PCSK5: variants seen among roughly 807,000 people sequenced by gnomAD.
PCSK5 encodes proprotein convertase subtilisin/kexin type 5, also known as prohormone convertase 5.
Under a neutral mutation model 233.2 loss-of-function variants are expected in PCSK5, and 129 were observed. The ratio of observed to expected loss-of-function variants is 0.55; its 90% CI spans 0.48 to 0.64. The LOEUF (loss-of-function observed/expected upper bound fraction) is 0.64. Among genes scored for constraint, PCSK5 ranks in the 30% least tolerant of loss-of-function variants. The pLI is 0.00. For missense variants in PCSK5, 2,076 were observed against 2,430.1 expected, an observed-to-expected ratio of 0.85 and a Z score of 3.06; for synonymous variants, 825 against 879.2, an observed-to-expected ratio of 0.94 and a Z score of 1.09.
At chr9:76,205,192 T>G (rs778251619) in intron 20 of PCSK5, 1 of 518,984 alleles carries the variant, frequency 1.9e-6, no homozygotes, top group Non-Finnish European at 3.8e-6. Flanking sequence ...ATCTCACTAC[T>G]AGGTTAGCCC....
chr9:75,970,168 C>G (rs1006057486), intron 2 of PCSK5, among the ~76,000 whole-genome samples: 7 of 152,232 alleles, frequency 4.6e-5, no homozygotes, highest in Admixed American at 2.6e-4. Context: ...CCACCATGCC[C>G]GGCCACAGAA....
rs1444123725 is a variant in PCSK5, at chr9:76,310,748, G to T, written c.3781G>T (p.Ala1261Ser). Reference protein sequence around the residue: ...RSGSCENCTEACAICSGADLC... With the variant: ...RSGSCENCTESCAICSGADLC... ...TGGGAGCTGCGAGAACTGTACGGAG[G>T]CCTGTGCCATCTGCTCTGGAGCCGA... The change falls in exon 30 of 38, where the codon GCC (alanine) becomes TCC (serine). Residue 1261 changes from alanine (A) to serine (S), a missense_variant. This residue lies in a region of PCSK5 where 1,510 missense variants were observed against 1,538.1 expected (regional missense o/e 0.98). Transcript: ENST00000674117. 16 of 1,612,358 alleles carry T rather than the reference G, an allele frequency of 9.9e-6. No individual in the cohort carries two copies. Among genetic ancestry groups the T allele is most frequent in the Admixed American group, 1.7e-5 (1 of 59,986 alleles).
chr9:76,331,278 T>A (rs924155709), intron 33 of PCSK5, among the ~76,000 whole-genome samples: 6 of 152,154 alleles, frequency 3.9e-5, no homozygotes, highest in Admixed American at 2.0e-4. Flanking sequence ...GGTAAAGGAC[T>A]TTGGGGCAGT....
chr9:75,979,774 C>G (rs141920930), intron 2 of PCSK5, among the ~76,000 whole-genome samples: 244 of 152,282 alleles, frequency 1.6e-3, no homozygotes, highest in African/African-American at 5.5e-3. Context: ...TTCAAAGAGG[C>G]CTTTCTTGAC....
intron 25 of PCSK5, among the ~76,000 whole-genome samples, chr9:76,294,982 C>A (rs9410768): frequency 2.0e-5 from 3 of 151,824 alleles, no homozygotes; most frequent in Non-Finnish European, 4.4e-5. Flanking sequence ...GCAAAACCCC[C>A]TCTCTGGAAA....
At chr9:76,350,706 C>G in intron 35 of PCSK5, 122 bp from the exon 36 acceptor site, 2 of 669,064 alleles carry the variant, frequency 3.0e-6, no homozygotes, top group Non-Finnish European at 5.3e-6. Flanking sequence ...TTCGTATCCT[C>G]AATCAATTCA....
chr9:76,336,104 A>C (rs1305466461), intron 34 of PCSK5, among the ~76,000 whole-genome samples: 4 of 152,166 alleles, frequency 2.6e-5, no homozygotes, highest in African/African-American at 9.7e-5. Context: ...TGTCTCTTAG[A>C]TACCTCAGTC....
chr9:76,281,423 C>A (rs1319103004), intron 24 of PCSK5, among the ~76,000 whole-genome samples: 1 of 152,164 alleles, frequency 6.6e-6, no homozygotes, highest in Non-Finnish European at 1.5e-5. Context: ...ATAAATGAAA[C>A]AAGGCCGGGT....
At chr9:76,205,088 CA>C in intron 20 of PCSK5, 1 of 518,614 alleles carries the variant, frequency 1.9e-6, no homozygotes, top group South Asian at 1.4e-5. Context: ...ACACTCTCAC[CA>C]TATCTGTCAT....
chr9:76,063,319 CTTTTTTTTTT>C (rs1157596601), intron 5 of PCSK5, among the ~76,000 whole-genome samples: 12 of 59,710 alleles, frequency 2.0e-4, no homozygotes, highest in African/African-American at 3.9e-4. Flanking sequence ...TTTCTTTTTT[CTTTTTTTTTT>C]TTTTTTTTTT....
chr9:75,986,760 A>G (rs994081181), intron 3 of PCSK5, among the ~76,000 whole-genome samples: 5 of 152,188 alleles, frequency 3.3e-5, no homozygotes, highest in East Asian at 1.9e-4. Flanking sequence ...GAAATCATGG[A>G]AAGTGTTCGA....
chr9:75,929,888 A>T (rs1317199720), intron 1 of PCSK5, among the ~76,000 whole-genome samples: 1 of 146,774 alleles, frequency 6.8e-6, no homozygotes, highest in African/African-American at 2.5e-5. Flanking sequence ...TTTAAGACAG[A>T]GTCTCACTCT....
intron 7 of PCSK5, 103 bp downstream of exon 7, chr9:76,072,001 C>T (rs1830499239): frequency 1.8e-6 from 2 of 1,124,762 alleles, no homozygotes; most frequent in East Asian, 2.5e-5. Flanking sequence ...CTGGATGGAG[C>T]TCCTAGGCTG....
intron 35 of PCSK5, among the ~76,000 whole-genome samples, chr9:76,350,101 G>C (rs1163545195): frequency 1.1e-5 from 1 of 93,084 alleles, no homozygotes; most frequent in East Asian, 3.4e-4. Flanking sequence ...AACATAGCAA[G>C]ACCCCATCTG....
intron 24 of PCSK5, among the ~76,000 whole-genome samples, chr9:76,264,646 A>G (rs1406670746): frequency 1.3e-5 from 2 of 152,212 alleles, no homozygotes; most frequent in Non-Finnish European, 2.9e-5. Context: ...AGCAGACAAC[A>G]AACATGAAAC....
At chr9:75,989,425 C>G (rs548846887) in intron 3 of PCSK5, among the ~76,000 whole-genome samples, 1 of 151,902 alleles carries the variant, frequency 6.6e-6, no homozygotes, top group South Asian at 2.1e-4. Flanking sequence ...GCCTGGGAGG[C>G]AGAGGTTGCA....
intron 21 of PCSK5, among the ~76,000 whole-genome samples, chr9:76,230,481 A>T (rs1826043517): frequency 6.6e-6 from 1 of 152,214 alleles, no homozygotes; most frequent in South Asian, 2.1e-4. Flanking sequence ...TTCTCCCAAG[A>T]CAAATGATTT....
At chr9:76,136,257 C>T (rs1360996027) in intron 10 of PCSK5, among the ~76,000 whole-genome samples, 1 of 151,752 alleles carries the variant, frequency 6.6e-6, no homozygotes, top group African/African-American at 2.4e-5. Flanking sequence ...CTACTCTAAA[C>T]GTTACCATCC....
At chr9:76,164,824 C>T (rs1196376443) in intron 12 of PCSK5, among the ~76,000 whole-genome samples, 2 of 152,048 alleles carry the variant, frequency 1.3e-5, no homozygotes, top group African/African-American at 2.4e-5. Flanking sequence ...AAGCCATCTA[C>T]TCTAAAATGA....
Sources: allele counts gnomAD v4.1 joint callset (sites outside exome capture counted in the v4.1 genomes callset), GRCh38; gene constraint gnomAD v4.1.1; regional missense constraint gnomAD v4.1.1; transcripts MANE v1.5; gene names NCBI Gene and HGNC (gene_info 2026-07-23, HGNC 2026-07-21).